The following SPMAP2L variants were observed in gnomAD, a reference collection of about 807,000 sequenced individuals.
The protein encoded by SPMAP2L is sperm microtubule associated protein 2 like.
chr4:56,548,210 A>G, the SPMAP2L span, among the ~76,000 whole-genome samples: 1 of 150,206 alleles, frequency 6.7e-6, no homozygotes, highest in Admixed American at 6.7e-5. Context: ...TGTTTTGATT[A>G]TAAGCAAGTT....
chr4:56,580,590 T>A, the SPMAP2L span, among the ~76,000 whole-genome samples: 1 of 152,050 alleles, frequency 6.6e-6, no homozygotes, highest in Admixed American at 6.6e-5. Flanking sequence ...TCACTATTAC[T>A]ATTCAGTCTC....
chr4:56,561,926 G>A, the SPMAP2L span, among the ~76,000 whole-genome samples: 1 of 152,090 alleles, frequency 6.6e-6, no homozygotes, highest in Non-Finnish European at 1.5e-5. Flanking sequence ...GTTTCATCAT[G>A]TTGGCCAGGC....
chr4:56,580,459 TG>T, the SPMAP2L span, among the ~76,000 whole-genome samples: 200 of 152,268 alleles, frequency 1.3e-3, 2 homozygotes, highest in Non-Finnish European at 2.4e-3. Context: ...AAGCTAGGCA[TG>T]GAAGGAAACT....
At chr4:56,554,240 T>G in the SPMAP2L span, among the ~76,000 whole-genome samples, 1 of 152,186 alleles carries the variant, frequency 6.6e-6, no homozygotes, top group Non-Finnish European at 1.5e-5. Context: ...AAGAGTATAT[T>G]TAACTTTGTA....
At chr4:56,589,875 G>A in the SPMAP2L span, among the ~76,000 whole-genome samples, 4 of 152,138 alleles carry the variant, frequency 2.6e-5, no homozygotes, top group Non-Finnish European at 5.9e-5. Flanking sequence ...CTTGTATCCA[G>A]AAACTTTGCC....
chr4:56,551,321 G>C, the SPMAP2L span, among the ~76,000 whole-genome samples: 3 of 152,142 alleles, frequency 2.0e-5, no homozygotes, highest in Non-Finnish European at 2.9e-5. Flanking sequence ...ACATCTGTTT[G>C]ATAGGTTTGG....
the SPMAP2L span, among the ~76,000 whole-genome samples, chr4:56,561,838 C>T: frequency 0.95 from 145,147 of 152,234 alleles, 69,281 homozygotes; most frequent in Middle Eastern, 0.97. Context: ...ATTCTCCTGC[C>T]TCAACCTCCT....
chr4:56,569,854 C>A, the SPMAP2L span, among the ~76,000 whole-genome samples: 1 of 152,140 alleles, frequency 6.6e-6, no homozygotes, highest in African/African-American at 2.4e-5. Flanking sequence ...CCCTATTATA[C>A]TATCATGCCG....
At chr4:56,610,694 A>G in the SPMAP2L span, among the ~76,000 whole-genome samples, 3 of 152,192 alleles carry the variant, frequency 2.0e-5, no homozygotes, top group Non-Finnish European at 2.9e-5. Flanking sequence ...AATCTTCACA[A>G]TCTATACATC....
the SPMAP2L span, chr4:56,548,699 C>T: frequency 3.4e-6 from 3 of 874,768 alleles, no homozygotes; most frequent in Non-Finnish European, 4.7e-6. Context: ...TTTTTTCTAA[C>T]TCCTTTCTCT....
chr4:56,620,777 TA>T, the SPMAP2L span, among the ~76,000 whole-genome samples: 1 of 152,202 alleles, frequency 6.6e-6, no homozygotes, highest in Non-Finnish European at 1.5e-5. Context: ...ATACTCTATT[TA>T]AAGTAATGTA....
the SPMAP2L span, chr4:56,552,743 A>G: frequency 1.6e-6 from 1 of 626,320 alleles, no homozygotes; most frequent in South Asian, 2.0e-5. Flanking sequence ...CATTGTAGTC[A>G]GCATGTAAAA....
the SPMAP2L span, among the ~76,000 whole-genome samples, chr4:56,624,105 A>T: frequency 6.6e-6 from 1 of 152,180 alleles, no homozygotes; most frequent in South Asian, 2.1e-4. Flanking sequence ...TCTCAGATGG[A>T]GATGAGGAAC....
the SPMAP2L span, among the ~76,000 whole-genome samples, chr4:56,602,349 TA>T: frequency 6.1e-3 from 922 of 152,096 alleles, 8 homozygotes; most frequent in African/African-American, 0.021. Context: ...GTTTATCCTT[TA>T]AAAAAAATAA....
chr4:56,592,949 A>C, the SPMAP2L span: 1 of 1,604,760 alleles, frequency 6.2e-7, no homozygotes, highest in Non-Finnish European at 8.5e-7. Flanking sequence ...GGTCCCTGCC[A>C]ACATCCATTT....
At chr4:56,603,449 C>A in the SPMAP2L span, 1 of 591,054 alleles carries the variant, frequency 1.7e-6, no homozygotes, top group Non-Finnish European at 2.8e-6. Flanking sequence ...AAAATGAGAC[C>A]TTTAGGGAAA....
At chr4:56,620,653 G>A in the SPMAP2L span, among the ~76,000 whole-genome samples, 1 of 152,210 alleles carries the variant, frequency 6.6e-6, no homozygotes, top group African/African-American at 2.4e-5. Context: ...CCAAAGTGCT[G>A]GGATTACAGG....
At chr4:56,618,917 T>A in the SPMAP2L span, among the ~76,000 whole-genome samples, 1 of 152,156 alleles carries the variant, frequency 6.6e-6, no homozygotes, top group Non-Finnish European at 1.5e-5. Flanking sequence ...GGGCCATATG[T>A]CCTGGGCCAT....
At chr4:56,615,278 G>A in the SPMAP2L span, among the ~76,000 whole-genome samples, 3 of 152,272 alleles carry the variant, frequency 2.0e-5, no homozygotes, top group South Asian at 6.2e-4. Flanking sequence ...GTTCTTGAAG[G>A]CACACATTAC....
Sources: gnomAD v4.1 joint callset for allele counts (sites outside exome capture counted in the v4.1 genomes callset) on GRCh38, gnomAD v4.1.1 for gene constraint, MANE v1.5 for transcripts, NCBI Gene and HGNC (gene_info 2026-07-23, HGNC 2026-07-21) for gene names.